Variants in GCFC2 observed in about 807,000 individuals in gnomAD.
GCFC2 encodes GC-rich sequence DNA-binding factor 2, also known as intron Large complex component GCFC2.
A neutral mutation model predicts 99.4 loss-of-function variants in GCFC2; 102 were observed. The ratio of observed to expected loss-of-function variants is 1.03; its 90% CI spans 0.87 to 1.21. GCFC2 has a LOEUF of 1.21. Among genes scored for constraint, GCFC2 ranks in the 50% most tolerant of loss-of-function variants. GCFC2 has a pLI of 0.00. For missense variants in GCFC2, 973 were observed against 920.9 expected (o/e 1.06, Z -0.73); for synonymous variants, 338 against 316.8 (o/e 1.07, Z -0.71).
At chr2:75,681,534 C>CT (rs568994356) in intron 11 of GCFC2, among the ~76,000 whole-genome samples, 7 of 151,144 alleles carry the variant, frequency 4.6e-5, no homozygotes, top group South Asian at 2.1e-4. Context: ...TAGCTGCAGG[C>CT]TTTTTTTTTA....
intron 11 of GCFC2, among the ~76,000 whole-genome samples, chr2:75,686,692 A>C (rs934976755): frequency 5.9e-5 from 9 of 152,166 alleles, no homozygotes; most frequent in African/African-American, 2.2e-4. Flanking sequence ...TGACTTGAGC[A>C]ATGTTCACAC....
chr2:75,667,178 C>A (rs1244931453), intron 15 of GCFC2, among the ~76,000 whole-genome samples: 3 of 152,152 alleles, frequency 2.0e-5, no homozygotes, highest in African/African-American at 7.2e-5. Context: ...CAGTTTTGTA[C>A]TCAGGCACCA....
chr2:75,684,123 GC>G (rs1679710424), intron 11 of GCFC2, among the ~76,000 whole-genome samples: 1 of 152,130 alleles, frequency 6.6e-6, no homozygotes, highest in Non-Finnish European at 1.5e-5. Context: ...TCTGGACCAA[GC>G]AGACCTAATA....
intron 4 of GCFC2, among the ~76,000 whole-genome samples, chr2:75,697,063 G>C (rs1680359915): frequency 6.6e-6 from 1 of 152,204 alleles, no homozygotes; most frequent in African/African-American, 2.4e-5. Flanking sequence ...TGGGATTACA[G>C]GCATGAGCCA....
At position 75,666,318 on chromosome 2, in the gene GCFC2, G is replaced by A. The variant is rs893623019; in HGVS notation, c.2104-265C>T. On this transcript the variant is annotated intron_variant, in intron 15 of 16. Coordinates refer to ENST00000321027, the MANE Select transcript of GCFC2 (RefSeq NM_003203.5). ...TAATTCTTTCTATATTCTTGTATTT[G>A]TGAGTCATTAAATCTGTACAAAACA... is the stretch of plus-strand genomic sequence containing the variant. 2.6e-5 allele frequency among the ~76,000 whole-genome samples: 4 copies of A among 152,048 alleles called. No homozygotes were observed. The East Asian group carries it at 7.7e-4, about 29-fold the overall frequency.
chr2:75,703,163 T>C (rs1680686435), intron 2 of GCFC2, among the ~76,000 whole-genome samples: 3 of 152,212 alleles, frequency 2.0e-5, no homozygotes. Flanking sequence ...TCTTCATGCA[T>C]GATCTAAGCT....
At chr2:75,711,141 G>A, upstream of GCFC2, 1 of 985,294 alleles carries the variant, frequency 1.0e-6, no homozygotes. Flanking sequence ...TCCGGTCTGA[G>A]TCCCACGGAG....
At chr2:75,680,832 C>A (rs962180364) in intron 11 of GCFC2, among the ~76,000 whole-genome samples, 2 of 152,162 alleles carry the variant, frequency 1.3e-5, no homozygotes, top group Non-Finnish European at 2.9e-5. Context: ...AAAATAGAAG[C>A]AATCAGAAAA....
At chr2:75,664,930 C>T in intron 16 of GCFC2, 147 bp from the exon 17 acceptor site, 1 of 582,872 alleles carries the variant, frequency 1.7e-6, no homozygotes, top group African/African-American at 1.9e-5. Context: ...CAGAGAGATG[C>T]TGCCATCTCC....
rs925890492 is a variant in GCFC2, at chr2:75,710,727, T to C, written c.129A>G (p.Glu43=). 29 of 1,556,582 alleles carry C rather than the reference T, an allele frequency of 1.9e-5. No individual in the cohort carries two copies. The highest frequency in any genetic ancestry group is 2.4e-5 in the Non-Finnish European group (28 of 1,155,736). The change falls in exon 1 of 17, where the codon GAA becomes GAG. Residue 43 remains glutamate, a synonymous_variant. Coordinates refer to ENST00000321027, the MANE Select transcript of GCFC2 (RefSeq NM_003203.5). ...RELPVPGSAE[E]EPPSGGGRAQ... is the part of the protein sequence containing the mutation. ...CGCGGCCTCCTCCAGAGGGCGGCTC[T>C]TCCTCCGCAGAACCCGGGACCGGAA...
Position 75,696,257 on chromosome 2 carries a change from G to A in GCFC2, c.776C>T (p.Thr259Ile). The change falls in exon 5 of 17, where the codon ACT becomes ATT. Residue 259 changes from threonine to isoleucine, a missense_variant. Transcript: ENST00000321027. ...NGSSKVKKFDTSISFPPVNLE... is the reference protein window; with the variant it reads ...NGSSKVKKFDISISFPPVNLE... ...ATTTACTGGCGGAAATGAAATGGAAGTATCAAATTTCTTCACTTTTGAAGA... is the reference window on the plus strand; with the variant it reads ...ATTTACTGGCGGAAATGAAATGGAAATATCAAATTTCTTCACTTTTGAAGA... 1 of 1,515,662 alleles carries A rather than the reference G, an allele frequency of 6.6e-7. No individual in the cohort carries two copies. Among genetic ancestry groups the A allele is most frequent in the Non-Finnish European group, 9.2e-7 (1 of 1,091,662 alleles). The allele number at this position is 1,515,662 out of a possible 1,614,324, so 93.9% of individuals were successfully genotyped here.
chr2:75,686,568 C>A (rs767771336), intron 11 of GCFC2, among the ~76,000 whole-genome samples: 24 of 152,140 alleles, frequency 1.6e-4, no homozygotes, highest in Non-Finnish European at 2.9e-4. Flanking sequence ...AGAGCAAGAC[C>A]CTGTCTCTAA....
At chr2:75,712,516 G>A (rs1180692274), upstream of GCFC2, among the ~76,000 whole-genome samples, 2 of 152,170 alleles carry the variant, frequency 1.3e-5, no homozygotes, top group East Asian at 1.9e-4. Context: ...AGCAGGATGT[G>A]GGTGGGGCCA....
chr2:75,694,497 T>A (rs1377531897), intron 5 of GCFC2, 70 bp from the exon 6 acceptor site: 2 of 565,912 alleles, frequency 3.5e-6, no homozygotes, highest in East Asian at 3.4e-5. Context: ...ATGTAAATAT[T>A]TTCAAAGACC....
chr2:75,688,788 A>G (rs998415309), intron 10 of GCFC2, among the ~76,000 whole-genome samples: 2 of 144,668 alleles, frequency 1.4e-5, no homozygotes, highest in Non-Finnish European at 3.1e-5. Flanking sequence ...TTAATGTACA[A>G]GAAGCTAAAA....
At chr2:75,683,771 C>CAAAAAAAGAAAAAA (rs1679684169) in intron 11 of GCFC2, among the ~76,000 whole-genome samples, 2 of 60,422 alleles carry the variant, frequency 3.3e-5, no homozygotes, top group Non-Finnish European at 6.1e-5. Flanking sequence ...AAATGGAAAG[C>CAAAAAAAGAAAAAA]AAAAAAAAAA....
At chr2:75,687,248 T>A (rs11897377) in intron 11 of GCFC2, among the ~76,000 whole-genome samples, 10,761 of 152,008 alleles carry the variant, frequency 0.071, 1,229 homozygotes, top group African/African-American at 0.25. Flanking sequence ...AGCAATGGTT[T>A]TAAAGAAAAG....
intron 14 of GCFC2, among the ~76,000 whole-genome samples, chr2:75,671,052 A>G (rs1350734664): frequency 6.6e-6 from 1 of 152,180 alleles, no homozygotes; most frequent in Non-Finnish European, 1.5e-5. Flanking sequence ...GTCAAATCCA[A>G]TAAACAGTGT....
In GCFC2 at chr2:75,692,549, A is replaced by C. The variant is rs544090156; in HGVS notation, c.1021-449T>G. Among the ~76,000 whole-genome samples, 23 of 152,126 alleles carry C rather than the reference A, an allele frequency of 1.5e-4. No individual in the cohort carries two copies. In the South Asian group the frequency reaches 4.8e-3, roughly 32 times the overall value. ...TCAATCCCAGCTACTCAGGAGACTG[A>C]GGCAGGAGAATCGCTTGAACTCTGG... On this transcript the variant is annotated intron_variant, in intron 6 of 16. Transcript: ENST00000321027.
Sources: gnomAD v4.1 joint callset for allele counts (sites outside exome capture counted in the v4.1 genomes callset) on GRCh38, gnomAD v4.1.1 for gene constraint, MANE v1.5 for transcripts, NCBI Gene and HGNC (gene_info 2026-07-23, HGNC 2026-07-21) for gene names.